AOAH: variants seen among roughly 807,000 people sequenced by gnomAD.
The protein encoded by AOAH is acyloxyacyl hydrolase (neutrophil).
AOAH carries 64 observed loss-of-function variants against 92.2 expected under a neutral mutation model. The ratio of observed to expected loss-of-function variants is 0.69; its 90% confidence interval spans 0.57 to 0.86. The LOEUF is 0.86. AOAH is among the 40% of genes least tolerant of loss of function. The probability of loss-of-function intolerance (pLI) is 0.00; values close to 1 mark genes in which losing one functional copy is unlikely to be tolerated. For synonymous variants in AOAH, 263 were observed against 254.5 expected, an observed-to-expected ratio of 1.03 and a Z score of -0.32; for missense variants, 656 against 694.6, an observed-to-expected ratio of 0.94 and a Z score of 0.62.
chr7:36,624,110 G>A (rs903953626), intron 6 of AOAH, among the ~76,000 whole-genome samples: 1 of 152,132 alleles, frequency 6.6e-6, no homozygotes, highest in African/African-American at 2.4e-5. Flanking sequence ...CTGTAATAGG[G>A]CCTTTGAGCC....
At chr7:36,535,069 CGTGT>C (rs1227577288) in intron 16 of AOAH, among the ~76,000 whole-genome samples, 10 of 26,880 alleles carry the variant, frequency 3.7e-4, no homozygotes, top group Middle Eastern at 0.029. Flanking sequence ...TGTGTGTATC[CGTGT>C]GTGTCTGTGT....
At chr7:36,672,577 AC>A (rs1290989940) in intron 3 of AOAH, among the ~76,000 whole-genome samples, 2 of 152,196 alleles carry the variant, frequency 1.3e-5, no homozygotes, top group Admixed American at 6.5e-5. Flanking sequence ...CAATGCGAAC[AC>A]ATGGACACAG....
chr7:36,655,884 G>T (rs377054117), intron 4 of AOAH, among the ~76,000 whole-genome samples: 6 of 152,126 alleles, frequency 3.9e-5, no homozygotes, highest in East Asian at 3.9e-4. Context: ...AATATATCTT[G>T]TAAAGTGGCA....
intron 1 of AOAH, among the ~76,000 whole-genome samples, chr7:36,719,802 G>A (rs1030611575): frequency 3.9e-5 from 6 of 152,066 alleles, no homozygotes; most frequent in African/African-American, 1.2e-4. Flanking sequence ...CAGGCATGGT[G>A]GTGTGCACCT....
chr7:36,517,938 CACACACCCACACA>C (rs1562855088), intron 20 of AOAH, among the ~76,000 whole-genome samples: 21 of 66,972 alleles, frequency 3.1e-4, no homozygotes, highest in Non-Finnish European at 7.7e-4. Flanking sequence ...CACCCACACA[CACACACCCACACA>C]CACACACACA....
At chr7:36,572,741 A>C (rs1226546318) in intron 13 of AOAH, among the ~76,000 whole-genome samples, 1 of 152,190 alleles carries the variant, frequency 6.6e-6, no homozygotes, top group African/African-American at 2.4e-5. Context: ...AAGGTATGAC[A>C]TATCTGGTCA....
chr7:36,521,418 C>T (rs1345770433), intron 20 of AOAH, among the ~76,000 whole-genome samples: 1 of 152,182 alleles, frequency 6.6e-6, no homozygotes, highest in East Asian at 1.9e-4. Context: ...TGGTTGAAGC[C>T]AGGATAATGG....
chr7:36,708,884 A>T (rs969984652), intron 1 of AOAH, among the ~76,000 whole-genome samples: 1 of 152,164 alleles, frequency 6.6e-6, no homozygotes, highest in Non-Finnish European at 1.5e-5. Flanking sequence ...TGGTAACCCT[A>T]CAATGGCCTC....
chr7:36,654,637 A>G (rs1004023501), intron 4 of AOAH, among the ~76,000 whole-genome samples: 2 of 152,134 alleles, frequency 1.3e-5, no homozygotes, highest in African/African-American at 4.8e-5. Flanking sequence ...TGCAGCATGT[A>G]TATCACAGGG....
intron 2 of AOAH, among the ~76,000 whole-genome samples, chr7:36,678,186 A>C (rs575011836): frequency 6.6e-6 from 1 of 152,112 alleles, no homozygotes; most frequent in Non-Finnish European, 1.5e-5. Context: ...TACTGTGGAG[A>C]GGGTCAAGAA....
In AOAH at chr7:36,678,600, T is replaced by TGTGTGTGTGTGC. The variant is rs549317369; in HGVS notation, c.224-4592_224-4591insGCACACACACAC. On this transcript the variant is annotated intron_variant, in intron 2 of 20. Coordinates refer to ENST00000617537, the MANE Select transcript of AOAH (RefSeq NM_001637.4). ...GTGTGTGTGTGTGTGTGTGTGTGTG[T>TGTGTGTGTGTGC]GCGCGCGCGCGCGCGTTAGAATTCT... 2.8e-3 allele frequency among the ~76,000 whole-genome samples: 364 copies of TGTGTGTGTGTGC among 130,996 alleles called. 2 individuals are homozygous for TGTGTGTGTGTGC. Among genetic ancestry groups the TGTGTGTGTGTGC allele is most frequent in the Middle Eastern group, 4.3e-3 (1 of 234 alleles). 85.9% of individuals were successfully genotyped at this position (130,996 alleles called of 152,430 possible).
chr7:36,548,664 C>A lies in AOAH; in HGVS notation c.1081G>T (p.Asp361Tyr), dbSNP rs777265627. Residue 361 changes from aspartate (D) to tyrosine (Y), a missense_variant, in exon 15 of 21, where the codon GAC (aspartate) becomes TAC (tyrosine). Transcript: ENST00000617537. ...GCATATATAACGATGGCGGGATAGT[C>A]CAACACCTTGTTTCTAGACAAGCTG... is the stretch of plus-strand genomic sequence containing the variant. ...IESLSRNKVL[D>Y]YPAIVIYAMI... 6.2e-7 allele frequency: 1 copy of A among 1,613,684 alleles called. No individual in the cohort carries two copies. Among genetic ancestry groups the A allele is most frequent in the Admixed American group, 1.7e-5 (1 of 60,012 alleles).
intron 3 of AOAH, among the ~76,000 whole-genome samples, chr7:36,662,542 T>C (rs897260850): frequency 6.6e-6 from 1 of 152,240 alleles, no homozygotes; most frequent in African/African-American, 2.4e-5. Flanking sequence ...TAATTGTTCA[T>C]TTATTTAGCT....
At chr7:36,664,079 A>C (rs1795388563) in intron 3 of AOAH, among the ~76,000 whole-genome samples, 1 of 151,508 alleles carries the variant, frequency 6.6e-6, no homozygotes, top group Non-Finnish European at 1.5e-5. Flanking sequence ...TTTGTCGTTG[A>C]GTTTTAAGAG....
At chr7:36,563,147 CAAAAAAAAAAAAAAAAAA>C (rs60240330) in intron 13 of AOAH, among the ~76,000 whole-genome samples, 8 of 36,062 alleles carry the variant, frequency 2.2e-4, no homozygotes, top group African/African-American at 2.9e-4. Flanking sequence ...AACTCCGTCT[CAAAAAAAAAAAAAAAAAA>C]AAAAAAAAAA....
intron 12 of AOAH, among the ~76,000 whole-genome samples, chr7:36,582,017 G>T (rs140098813): frequency 7.0e-4 from 106 of 152,306 alleles, no homozygotes; most frequent in African/African-American, 2.5e-3. Context: ...TGAGAAGATA[G>T]CTTAATAGAA....
At chr7:36,609,640 GA>G (rs1791284019) in intron 11 of AOAH, among the ~76,000 whole-genome samples, 1 of 150,058 alleles carries the variant, frequency 6.7e-6, no homozygotes, top group African/African-American at 2.5e-5. Context: ...CCCCTGCTTT[GA>G]ACACAGTGTC....
rs142838536 is a variant in AOAH, at chr7:36,671,065, C to T, written c.290+2878G>A. ...GCCCCCTTTGAGTTCTGGGACTTTTCAGCTTGCTGATCTGGTTCCCTGATC... is the reference window on the plus strand; with the variant it reads ...GCCCCCTTTGAGTTCTGGGACTTTTTAGCTTGCTGATCTGGTTCCCTGATC... On this transcript the variant is annotated intron_variant, in intron 3 of 20. Coordinates refer to ENST00000617537, the MANE Select transcript of AOAH (RefSeq NM_001637.4). Among the ~76,000 whole-genome samples the T allele has an allele frequency of 2.8e-3, 432 of 152,282 alleles. 4 individuals are homozygous for T. The highest frequency in any genetic ancestry group is 9.9e-3 in the African/African-American group (410 of 41,562).
At chr7:36,646,653 A>C (rs1794238784) in intron 4 of AOAH, among the ~76,000 whole-genome samples, 1 of 152,230 alleles carries the variant, frequency 6.6e-6, no homozygotes, top group South Asian at 2.1e-4. Context: ...TCAGAAATTC[A>C]GGGCTAAAAT....
Sources: gnomAD v4.1 joint callset for allele counts (sites outside exome capture counted in the v4.1 genomes callset) on GRCh38, gnomAD v4.1.1 for gene constraint, MANE v1.5 for transcripts, NCBI Gene and HGNC (gene_info 2026-07-23, HGNC 2026-07-21) for gene names.